The following ADARB2 variants were observed in gnomAD, a reference collection of about 807,000 sequenced individuals.
The protein encoded by ADARB2 is inactive double-stranded RNA-specific editase B2.
In ADARB2, 25 loss-of-function variants were observed where a neutral mutation model predicts 62.2. That is an observed-to-expected ratio of 0.40 (90% CI 0.29 to 0.56). The LOEUF (loss-of-function observed/expected upper bound fraction) is 0.56. ADARB2 is among the 20% of genes least tolerant of loss of function. The pLI is 0.43. For missense variants in ADARB2, 1,071 were observed against 1,077.4 expected (o/e 0.99, Z 0.08); for synonymous variants, 572 against 500.8 (o/e 1.14, Z -1.90).
chr10:1,663,757 C>T (rs11250715), intron 1 of ADARB2, among the ~76,000 whole-genome samples: 24,394 of 151,966 alleles, frequency 0.16, 2,887 homozygotes, highest in African/African-American at 0.33. Flanking sequence ...GTATCTGGGA[C>T]TACAGGCACA....
intron 1 of ADARB2, among the ~76,000 whole-genome samples, chr10:1,577,812 A>G (rs7080926): frequency 0.031 from 4,691 of 152,304 alleles, 230 homozygotes; most frequent in African/African-American, 0.11. Flanking sequence ...GGAGATCGGG[A>G]TCTTCAAACA....
intron 3 of ADARB2, among the ~76,000 whole-genome samples, chr10:1,284,922 C>A (rs1034877828): frequency 1.3e-5 from 2 of 152,084 alleles, no homozygotes; most frequent in African/African-American, 4.8e-5. Flanking sequence ...ACTTCCCCTC[C>A]AGACAATATC....
intron 1 of ADARB2, among the ~76,000 whole-genome samples, chr10:1,500,317 C>T (rs1831751106): frequency 6.6e-6 from 1 of 152,188 alleles, no homozygotes; most frequent in Admixed American, 6.5e-5. Context: ...GGACATTTAA[C>T]CTAAGTGTTA....
chr10:1,223,807 C>T (rs1354080482), intron 6 of ADARB2, among the ~76,000 whole-genome samples: 1 of 152,176 alleles, frequency 6.6e-6, no homozygotes, highest in Non-Finnish European at 1.5e-5. Context: ...TTTTGATGTG[C>T]TGCTGGATTC....
At chr10:1,274,545 CT>C (rs925812232) in intron 3 of ADARB2, among the ~76,000 whole-genome samples, 2 of 152,006 alleles carry the variant, frequency 1.3e-5, no homozygotes, top group Non-Finnish European at 2.9e-5. Context: ...CACTTTGTGT[CT>C]GCTTGAGAGG....
At chr10:1,272,745 C>G in intron 3 of ADARB2, among the ~76,000 whole-genome samples, 1 of 152,264 alleles carries the variant, frequency 6.6e-6, no homozygotes. Context: ...TCTTTCGTGT[C>G]TGGAATCAGG....
chr10:1,224,274 C>T lies in ADARB2; in HGVS notation c.1514-7155G>A, dbSNP rs576765527. 7.3e-3 allele frequency among the ~76,000 whole-genome samples: 1,117 copies of T among 152,016 alleles called. 8 individuals carry two copies. Among genetic ancestry groups the T allele is most frequent in the African/African-American group, 0.025 (1,056 of 41,444 alleles). ...TTCTGTGGGATCGGTGGTGATATCCCCTTTATCATTTTTTATTGCATCTCT... is the reference window on the plus strand; with the variant it reads ...TTCTGTGGGATCGGTGGTGATATCCTCTTTATCATTTTTTATTGCATCTCT... On this transcript the variant is annotated intron_variant, in intron 6 of 9. Coordinates refer to ENST00000381312, the MANE Select transcript of ADARB2 (RefSeq NM_018702.4).
chr10:1,430,349 A>G (rs1830766666), intron 1 of ADARB2, among the ~76,000 whole-genome samples: 1 of 152,270 alleles, frequency 6.6e-6, no homozygotes, highest in Non-Finnish European at 1.5e-5. Context: ...AGAGGAACAA[A>G]CAAAACAAAT....
At chr10:1,424,829 G>C (rs1434387363) in intron 1 of ADARB2, among the ~76,000 whole-genome samples, 2 of 152,140 alleles carry the variant, frequency 1.3e-5, no homozygotes, top group Admixed American at 1.3e-4. Context: ...CATTTTGGTT[G>C]CCCCGAGATG....
intron 1 of ADARB2, among the ~76,000 whole-genome samples, chr10:1,446,358 C>T (rs1830969316): frequency 6.6e-6 from 1 of 152,218 alleles, no homozygotes; most frequent in Admixed American, 6.5e-5. Context: ...AAATAGCACC[C>T]CAGCTTTCTG....
intron 7 of ADARB2, among the ~76,000 whole-genome samples, chr10:1,205,980 TG>T (rs1837055501): frequency 1.5e-5 from 2 of 131,598 alleles, no homozygotes; most frequent in African/African-American, 3.0e-5. Flanking sequence ...GTCAGGTGGG[TG>T]TCACGGGGCA....
rs1474437909 is a variant in ADARB2, at chr10:1,398,470, C to G, written c.101-19310G>C. On this transcript the variant is annotated intron_variant, in intron 1 of 9. Transcript: ENST00000381312. The surrounding 1 kb of genome is among the most constrained non-coding windows in gnomAD (Gnocchi z 4.1). ...TCCCACTCGCTCCTGTTTTTCAGGGCCCCTCCTCTCCCTGTGGAGCTCCAG... is the reference window on the plus strand; with the variant it reads ...TCCCACTCGCTCCTGTTTTTCAGGGGCCCTCCTCTCCCTGTGGAGCTCCAG... 6.6e-6 allele frequency among the ~76,000 whole-genome samples: 1 copy of G among 151,992 alleles called. No individual in the cohort carries two copies. The highest frequency in any genetic ancestry group is 2.4e-5 in the African/African-American group (1 of 41,406).
chr10:1,604,119 A>G lies in ADARB2; in HGVS notation c.100+132932T>C, dbSNP rs73592178. 5.1e-3 allele frequency among the ~76,000 whole-genome samples: 775 copies of G among 150,724 alleles called. 7 individuals are homozygous for G. Among genetic ancestry groups the G allele is most frequent in the African/African-American group, 0.018 (725 of 41,410 alleles). On this transcript the variant is annotated intron_variant, in intron 1 of 9. Coordinates refer to ENST00000381312, the MANE Select transcript of ADARB2 (RefSeq NM_018702.4). ...TGCCTCTGGCCAATATTTTATATCT[A>G]TCTATCTATCTAGTCAATACTCAGT...
chr10:1,419,130 G>A (rs909751813), intron 1 of ADARB2, among the ~76,000 whole-genome samples: 18 of 152,008 alleles, frequency 1.2e-4, no homozygotes, highest in Admixed American at 1.2e-3. Flanking sequence ...TTTTGTTCTT[G>A]TTGCCCAGGC....
chr10:1,469,083 G>A (rs1279876927), intron 1 of ADARB2, among the ~76,000 whole-genome samples: 2 of 152,178 alleles, frequency 1.3e-5, no homozygotes, highest in African/African-American at 4.8e-5. Flanking sequence ...AATTGGAAAC[G>A]GCCCCCAGAT....
chr10:1,240,299 T>A lies in ADARB2; in HGVS notation c.1361+1832A>T, dbSNP rs1427820133. 6.7e-4 allele frequency: 58 copies of A among 86,626 alleles called. 3 individuals carry two copies. The East Asian group carries it at 7.0e-3, about 11-fold the overall frequency. The allele number at this position is 86,626 out of a possible 1,614,324, so 5.4% of individuals were successfully genotyped here. A position where few individuals can be genotyped will look rare whatever the true frequency, so the allele number is the denominator to read the frequency against. ...CTCTGCCTCCCGGTGTTTACTCCCC[T>A]CTCCCTCCCGGTGTTTACTCCCCTC... On this transcript the variant is annotated intron_variant, in intron 5 of 9. Transcript: ENST00000381312.
intron 1 of ADARB2, among the ~76,000 whole-genome samples, chr10:1,469,985 G>A (rs1314504577): frequency 6.6e-6 from 1 of 152,210 alleles, no homozygotes; most frequent in Admixed American, 6.5e-5. Flanking sequence ...GGGGGCATGA[G>A]GCCGGCGTGC....
At chr10:1,187,709 G>C (rs1436126722) in intron 8 of ADARB2, 1 of 174,988 alleles carries the variant, frequency 5.7e-6, no homozygotes, top group Non-Finnish European at 1.3e-5. Context: ...GAAGGCAGCT[G>C]TGAGGACGTG....
intron 1 of ADARB2, among the ~76,000 whole-genome samples, chr10:1,550,947 A>G (rs1393519232): frequency 2.0e-5 from 3 of 152,104 alleles, no homozygotes; most frequent in Non-Finnish European, 4.4e-5. Flanking sequence ...AATAAAAAGG[A>G]CGGCAGAAAA....
Sources: allele counts gnomAD v4.1 joint callset (sites outside exome capture counted in the v4.1 genomes callset), GRCh38; gene constraint gnomAD v4.1.1; non-coding constraint Gnocchi (gnomAD v3.1); transcripts MANE v1.5; gene names NCBI Gene and HGNC (gene_info 2026-07-23, HGNC 2026-07-21).